The following ZNF343 variants were observed in gnomAD, a reference collection of about 807,000 sequenced individuals.
The protein encoded by ZNF343 is zinc finger protein 343.
ZNF343 carries 11 observed loss-of-function variants against 13.8 expected under a neutral mutation model. That is an observed-to-expected ratio of 0.80 (90% CI 0.50 to 1.32). The LOEUF is 1.32. ZNF343 is among the 40% of genes most tolerant of loss of function. ZNF343 has a pLI of 0.00. For missense variants in ZNF343, 658 were observed against 714.2 expected (o/e 0.92, Z 0.90); for synonymous variants, 248 against 260.0 (o/e 0.95, Z 0.44).
chr20:2,511,953 G>C (rs1037885973), upstream of ZNF343, among the ~76,000 whole-genome samples: 2 of 152,176 alleles, frequency 1.3e-5, no homozygotes, highest in Admixed American at 1.3e-4. Flanking sequence ...CCATCCAAAT[G>C]GGAAAGGAAG....
chr20:2,492,551 C>T (rs530432825), intron 5 of ZNF343, 148 bp downstream of exon 5: 38 of 856,434 alleles, frequency 4.4e-5, no homozygotes, highest in South Asian at 3.8e-4. Flanking sequence ...TGTCTCCTTA[C>T]ACTAGAAAGT....
intron 1 of ZNF343, among the ~76,000 whole-genome samples, chr20:2,519,326 T>C (rs2085773047): frequency 6.6e-6 from 1 of 152,270 alleles, no homozygotes; most frequent in Admixed American, 6.5e-5. Flanking sequence ...CCTCTGACCC[T>C]GTACCTCCAG....
At position 2,483,881 on chromosome 20, in the gene ZNF343, T is replaced by C; in HGVS notation, c.1080A>G (p.Arg360=). The C allele has an allele frequency of 6.2e-7, 1 of 1,614,192 alleles. No homozygotes were observed. Among genetic ancestry groups the C allele is most frequent in the Middle Eastern group, 1.6e-4 (1 of 6,062 alleles). ...TGAAGGATGACTTCTCGCTAAAGCC[T>C]CGCCCACACTCGCTGCAAACATAGG... is the stretch of plus-strand genomic sequence containing the variant. ...EKPYVCSECG[R]GFSEKSSFIR... The change falls in exon 6 of 6, where the codon CGA becomes CGG. Residue 360 remains arginine (R), a synonymous_variant. Coordinates refer to ENST00000278772, the MANE Select transcript of ZNF343 (RefSeq NM_024325.6).
chr20:2,506,190 A>G (rs1315341885), intron 1 of ZNF343, among the ~76,000 whole-genome samples: 3 of 152,282 alleles, frequency 2.0e-5, no homozygotes, highest in Non-Finnish European at 4.4e-5. Context: ...AGACACAGGA[A>G]AAAATGCCCA....
At chr20:2,521,508 C>A (rs1205258836) in intron 1 of ZNF343, among the ~76,000 whole-genome samples, 1 of 152,160 alleles carries the variant, frequency 6.6e-6, no homozygotes, top group Non-Finnish European at 1.5e-5. Flanking sequence ...AGGGCCCTCA[C>A]CTGATGGGAG....
intron 1 of ZNF343, among the ~76,000 whole-genome samples, chr20:2,506,509 G>A (rs569245645): frequency 2.3e-4 from 35 of 150,058 alleles, no homozygotes; most frequent in East Asian, 5.8e-4. Context: ...TGTTTATTGC[G>A]GCACTATTCA....
At chr20:2,503,122 A>G (rs1051611259) in intron 1 of ZNF343, among the ~76,000 whole-genome samples, 1 of 152,246 alleles carries the variant, frequency 6.6e-6, no homozygotes, top group Non-Finnish European at 1.5e-5. Flanking sequence ...AGGAAGATCT[A>G]CCAAGCAAAT....
chr20:2,498,715 C>G (rs1350237857), intron 2 of ZNF343, among the ~76,000 whole-genome samples: 1 of 152,182 alleles, frequency 6.6e-6, no homozygotes, highest in African/African-American at 2.4e-5. Context: ...ATAGGAATTA[C>G]CACATTTCTT....
At chr20:2,520,215 T>A (rs977230467) in intron 1 of ZNF343, among the ~76,000 whole-genome samples, 1 of 152,252 alleles carries the variant, frequency 6.6e-6, no homozygotes, top group Non-Finnish European at 1.5e-5. Context: ...ATGTTTGTAT[T>A]CTACATGCAC....
Position 2,483,693 on chromosome 20 carries a change from T to C in ZNF343, c.1268A>G (p.Asp423Gly), listed in dbSNP as rs764373930. The C allele has an allele frequency of 9.3e-6, 15 of 1,606,924 alleles. No individual in the cohort carries two copies. Among genetic ancestry groups the C allele is most frequent in the Non-Finnish European group, 1.2e-5 (14 of 1,177,458 alleles). Residue 423 changes from aspartate to glycine, a missense_variant, in exon 6 of 6, where the codon GAT (aspartate) becomes GGT (glycine). Coordinates refer to ENST00000278772, the MANE Select transcript of ZNF343 (RefSeq NM_024325.6). ...GTGTGTCCTCTGGTGTTTGATGAGATCTGAGTTCTGGCTAAAGCCTCGCCC... is the reference window on the plus strand; with the variant it reads ...GTGTGTCCTCTGGTGTTTGATGAGACCTGAGTTCTGGCTAAAGCCTCGCCC... The part of the protein sequence containing the change: ...ECGRGFSQNS[D>G]LIKHQRTHLD...
intron 1 of ZNF343, among the ~76,000 whole-genome samples, chr20:2,517,603 G>C (rs1056146920): frequency 3.3e-5 from 5 of 151,430 alleles, no homozygotes; most frequent in Admixed American, 1.3e-4. Context: ...CTGGGCTCAA[G>C]CAGTCCTCCC....
chr20:2,501,249 C>T (rs1211397433), intron 1 of ZNF343, among the ~76,000 whole-genome samples: 5 of 152,142 alleles, frequency 3.3e-5, no homozygotes, highest in African/African-American at 9.7e-5. Context: ...AAGGCGGCAG[C>T]GAGGCTGGGG....
At chr20:2,513,053 T>C (rs1004985114), upstream of ZNF343, among the ~76,000 whole-genome samples, 1 of 152,200 alleles carries the variant, frequency 6.6e-6, no homozygotes, top group Middle Eastern at 3.4e-3. Flanking sequence ...TGAGCCATGA[T>C]TGTACCACTG....
upstream of ZNF343, among the ~76,000 whole-genome samples, chr20:2,509,489 T>C (rs1396457581): frequency 3.3e-5 from 5 of 152,172 alleles, no homozygotes; most frequent in Non-Finnish European, 5.9e-5. Flanking sequence ...AGGGACAGAC[T>C]CTCATCCAGT....
At chr20:2,521,922 T>C (rs6083537) in intron 1 of ZNF343, among the ~76,000 whole-genome samples, 52,912 of 152,176 alleles carry the variant, frequency 0.35, 10,532 homozygotes, top group Non-Finnish European at 0.44. Flanking sequence ...CAGGACACTT[T>C]GAAACGAATG....
intron 1 of ZNF343, among the ~76,000 whole-genome samples, chr20:2,522,634 TA>T (rs762404623): frequency 6.6e-5 from 10 of 152,232 alleles, no homozygotes; most frequent in Admixed American, 4.6e-4. Flanking sequence ...CTCCGACTCA[TA>T]ATAAGAAGTT....
intron 1 of ZNF343, chr20:2,524,347 C>T (rs1435173400): frequency 6.6e-6 from 1 of 152,264 alleles, no homozygotes; most frequent in Non-Finnish European, 1.5e-5. Flanking sequence ...TTAAATTCAT[C>T]TCAAGTCGCT....
chr20:2,523,677 CTTTTTTTTT>C (rs3051730), intron 1 of ZNF343, among the ~76,000 whole-genome samples: 1 of 102,790 alleles, frequency 9.7e-6, no homozygotes, highest in East Asian at 2.6e-4. Context: ...GCTATGTGTA[CTTTTTTTTT>C]TTTTTTTTTT....
chr20:2,515,262 TATG>T (rs1568493197), intron 1 of ZNF343, among the ~76,000 whole-genome samples: 1 of 151,924 alleles, frequency 6.6e-6, no homozygotes, highest in African/African-American at 2.4e-5. Context: ...CAGAGCTATT[TATG>T]ATATTTGTGA....
Sources: allele counts gnomAD v4.1 joint callset (sites outside exome capture counted in the v4.1 genomes callset), GRCh38; gene constraint gnomAD v4.1.1; transcripts MANE v1.5; gene names NCBI Gene and HGNC (gene_info 2026-07-23, HGNC 2026-07-21).